CSMD1: variants seen among roughly 807,000 people sequenced by gnomAD.
CSMD1 encodes the protein CUB and sushi domain-containing protein 1.
In CSMD1, 213 loss-of-function variants were observed where a neutral mutation model predicts 417.5. The ratio of observed to expected loss-of-function variants is 0.51; its 90% CI spans 0.46 to 0.57. The LOEUF (loss-of-function observed/expected upper bound fraction) is 0.57. Among genes scored for constraint, CSMD1 ranks in the 20% least tolerant of loss-of-function variants. The pLI, the probability that CSMD1 is intolerant of heterozygous loss-of-function variation, is 0.00. For synonymous variants in CSMD1, 2,862 were observed against 1,736.8 expected (o/e 1.65, Z -16.11); for missense variants, 6,923 against 4,529.7 (o/e 1.53, Z -15.17).
intron 1 of CSMD1, among the ~76,000 whole-genome samples, chr8:4,690,254 A>C (rs570719809): frequency 6.6e-6 from 1 of 152,194 alleles, no homozygotes; most frequent in African/African-American, 2.4e-5. Flanking sequence ...GTCTTAATGA[A>C]ATTTCCCTTG....
At chr8:3,685,197 A>G (rs947593479) in intron 7 of CSMD1, among the ~76,000 whole-genome samples, 5 of 152,218 alleles carry the variant, frequency 3.3e-5, no homozygotes, top group South Asian at 2.1e-4. Flanking sequence ...CAAAGTTGCA[A>G]AATTGAAGCC....
chr8:3,296,643 A>G (rs1315228592), intron 25 of CSMD1, among the ~76,000 whole-genome samples: 1 of 152,146 alleles, frequency 6.6e-6, no homozygotes, highest in Admixed American at 6.6e-5. Flanking sequence ...GATGAGCTGA[A>G]TATGGAGGTA....
At position 3,407,999 on chromosome 8, in the gene CSMD1, A is replaced by T. The variant is rs746988865; in HGVS notation, c.1971T>A (p.Asn657Lys). 34 of 1,613,872 alleles carry T rather than the reference A, an allele frequency of 2.1e-5. No homozygotes were observed. Among genetic ancestry groups the T allele is most frequent in the Non-Finnish European group, 2.8e-5 (33 of 1,179,888 alleles). Residue 657 changes from asparagine to lysine, a missense_variant, in exon 14 of 70, where the codon AAT (asparagine) becomes AAA (lysine). By Grantham distance (94) the Asn-to-Lys change is moderately conservative (BLOSUM62 0). Transcript: ENST00000635120. ...DITVLGTFSG[N>K]EVPSQLASSG... ...TGCTGGCCAGCTGGGAAGGCACTTC[A>T]TTGCCAGAAAAAGTACCCAGGACAG...
chr8:4,215,562 G>T (rs568010035), intron 3 of CSMD1, among the ~76,000 whole-genome samples: 1 of 151,714 alleles, frequency 6.6e-6, no homozygotes, highest in Non-Finnish European at 1.5e-5. Flanking sequence ...GATAATCATA[G>T]ATCAGGCATT....
intron 2 of CSMD1, among the ~76,000 whole-genome samples, chr8:4,509,764 A>G (rs1259059313): frequency 6.6e-6 from 1 of 152,170 alleles, no homozygotes; most frequent in African/African-American, 2.4e-5. Flanking sequence ...GTTGTCACAC[A>G]CACTAAATAT....
At chr8:4,554,177 C>T (rs1585241750) in intron 2 of CSMD1, among the ~76,000 whole-genome samples, 1 of 152,126 alleles carries the variant, frequency 6.6e-6, no homozygotes, top group East Asian at 1.9e-4. Flanking sequence ...CGATCTGTCG[C>T]CCAGGCTGGA....
intron 4 of CSMD1, 40 bp from the exon 5 acceptor site, chr8:3,998,150 G>A (rs769007300): frequency 1.1e-5 from 17 of 1,522,784 alleles, no homozygotes; most frequent in African/African-American, 1.4e-5. Flanking sequence ...CACATTTCAG[G>A]ATGGTTTTCA....
chr8:4,583,702 C>T (rs1799561208), intron 2 of CSMD1, among the ~76,000 whole-genome samples: 3 of 152,086 alleles, frequency 2.0e-5, no homozygotes, highest in Admixed American at 1.3e-4. Flanking sequence ...GTATCTAGCT[C>T]AGGCATTGTA....
chr8:4,761,886 T>TCTATCTATCTAC (rs1442872250), intron 1 of CSMD1, among the ~76,000 whole-genome samples: 2 of 92,372 alleles, frequency 2.2e-5, no homozygotes, highest in African/African-American at 4.2e-5. Flanking sequence ...TATCTATCTA[T>TCTATCTATCTAC]CTACCTACCT....
In CSMD1 at chr8:3,110,297, T is replaced by C. The variant is rs753297283; in HGVS notation, c.6469A>G (p.Ile2157Val). The stretch of plus-strand genomic sequence containing the variant: ...TCATCAGGAAAGCCAGGGGAGTAGA[T>C]GGTGCCGTTCTGAGAAGTTACGTTG... ...GYNVTSQNGTIYSPGFPDEYP... is the reference protein window; with the variant it reads ...GYNVTSQNGTVYSPGFPDEYP... Residue 2157 changes from isoleucine (I) to valine (V), a missense_variant, in exon 43 of 70, where the codon ATC (isoleucine) becomes GTC (valine). By Grantham distance (29) the Ile-to-Val change is conservative (BLOSUM62 3). Transcript: ENST00000635120. 5 of 1,613,372 alleles carry C rather than the reference T, an allele frequency of 3.1e-6. No individual in the cohort carries two copies. The highest frequency in any genetic ancestry group is 4.2e-6 in the Non-Finnish European group (5 of 1,179,684).
At chr8:3,733,149 A>G (rs2129048149) in intron 6 of CSMD1, among the ~76,000 whole-genome samples, 1 of 146,792 alleles carries the variant, frequency 6.8e-6, no homozygotes, top group South Asian at 2.2e-4. Context: ...AATTAGACTC[A>G]GTACCAGGAG....
intron 3 of CSMD1, among the ~76,000 whole-genome samples, chr8:4,273,409 C>A (rs943891526): frequency 2.6e-5 from 4 of 152,010 alleles, no homozygotes; most frequent in Admixed American, 6.6e-5. Context: ...CCGGTGCAAC[C>A]CTGCTCAGGT....
chr8:3,248,474 G>A (rs2117016129), intron 26 of CSMD1, among the ~76,000 whole-genome samples: 1 of 148,878 alleles, frequency 6.7e-6, no homozygotes, highest in African/African-American at 2.5e-5. Flanking sequence ...AAAATCCAGT[G>A]ACATCAGTGA....
At chr8:4,667,519 G>A (rs1163579855) in intron 1 of CSMD1, among the ~76,000 whole-genome samples, 2 of 151,434 alleles carry the variant, frequency 1.3e-5, no homozygotes, top group African/African-American at 2.4e-5. Flanking sequence ...TTTTATGTAG[G>A]TCTTTTTAAA....
intron 8 of CSMD1, among the ~76,000 whole-genome samples, chr8:3,613,792 T>C (rs1237295512): frequency 6.6e-6 from 1 of 151,334 alleles, no homozygotes; most frequent in African/African-American, 2.4e-5. Flanking sequence ...AGGGCATCTA[T>C]GAAAAACCAA....
At chr8:3,169,151 T>G (rs771810810) in intron 37 of CSMD1, among the ~76,000 whole-genome samples, 1 of 152,166 alleles carries the variant, frequency 6.6e-6, no homozygotes, top group South Asian at 2.1e-4. Flanking sequence ...GGAAATGACA[T>G]AGCCTCTGCA....
chr8:4,257,250 A>G (rs922740078), intron 3 of CSMD1, among the ~76,000 whole-genome samples: 2 of 152,138 alleles, frequency 1.3e-5, no homozygotes, highest in East Asian at 3.9e-4. Flanking sequence ...ATGTATTTTA[A>G]TTTTATTATA....
chr8:4,837,406 C>G (rs959338838), intron 1 of CSMD1, among the ~76,000 whole-genome samples: 5 of 152,114 alleles, frequency 3.3e-5, no homozygotes, highest in Non-Finnish European at 5.9e-5. Flanking sequence ...GAGTACTATT[C>G]AACCATAAAA....
chr8:4,504,181 T>C (rs1000296608), intron 2 of CSMD1, among the ~76,000 whole-genome samples: 9 of 152,016 alleles, frequency 5.9e-5, no homozygotes, highest in Admixed American at 3.3e-4. Flanking sequence ...ATAGCAACAA[T>C]ATGGATGAAC....
Sources: gnomAD v4.1 joint callset for allele counts (sites outside exome capture counted in the v4.1 genomes callset) on GRCh38, gnomAD v4.1.1 for gene constraint, MANE v1.5 for transcripts, NCBI Gene and HGNC (gene_info 2026-07-23, HGNC 2026-07-21) for gene names.